The following PFKFB3 variants were observed in gnomAD, a reference collection of about 807,000 sequenced individuals.
PFKFB3 encodes the protein 6-phosphofructo-2-kinase/fructose-2,6-bisphosphatase 3.
In PFKFB3, 33 loss-of-function variants were observed where a neutral mutation model predicts 68.0. That is an observed-to-expected ratio of 0.49 (90% confidence interval 0.37 to 0.65). The LOEUF (loss-of-function observed/expected upper bound fraction) is 0.65, where lower values mean the gene tolerates loss of function less well. Among genes scored for constraint, PFKFB3 ranks in the 30% least tolerant of loss-of-function variants. The pLI is 0.00. For synonymous variants in PFKFB3, 315 were observed against 288.2 expected, an observed-to-expected ratio of 1.09 and a Z score of -0.94; for missense variants, 586 against 712.2, an observed-to-expected ratio of 0.82 and a Z score of 2.02.
At chr10:6,243,279 C>T (rs1846181824) in intron 14 of PFKFB3, among the ~76,000 whole-genome samples, 1 of 152,156 alleles carries the variant, frequency 6.6e-6, no homozygotes. Context: ...AGCAGCTGGT[C>T]CTGGGACAAC....
At chr10:6,326,215 T>C in the PFKFB3 span, among the ~76,000 whole-genome samples, 2 of 152,198 alleles carry the variant, frequency 1.3e-5, no homozygotes, top group South Asian at 2.1e-4. Flanking sequence ...TTCTCACTCA[T>C]AAGTGGGAGC....
chr10:6,304,935 G>C, the PFKFB3 span, among the ~76,000 whole-genome samples: 62 of 125,016 alleles, frequency 5.0e-4, no homozygotes, highest in Middle Eastern at 5.5e-3. Flanking sequence ...TCCTGCCTCG[G>C]CCTTGCAAAG....
intron 1 of PFKFB3, among the ~76,000 whole-genome samples, chr10:6,206,293 C>T (rs12572271): frequency 0.014 from 1,781 of 131,404 alleles, no homozygotes; most frequent in Non-Finnish European, 0.02. Flanking sequence ...AACAGGATCC[C>T]AAGGCATAAG....
Position 6,215,445 on chromosome 10 carries a change from G to A in PFKFB3, c.299+128G>A. On this transcript the variant is annotated intron_variant, in intron 3 of 14. Transcript: ENST00000379775. The surrounding 1 kb of genome is among the most constrained non-coding windows in gnomAD (Gnocchi z 4.3). ...TGGGCTGTGGGAATAAGGCTGGGCT[G>A]CGGGGCTGCGGGTGTAAGGCTGGGC... 1 of 705,754 alleles carries A rather than the reference G, an allele frequency of 1.4e-6. No individual in the cohort carries two copies. The highest frequency in any genetic ancestry group is 2.5e-6 in the Non-Finnish European group (1 of 401,780). 43.7% of individuals were successfully genotyped at this position (705,754 alleles called of 1,614,324 possible).
chr10:6,303,756 C>T, the PFKFB3 span, among the ~76,000 whole-genome samples: 2,071 of 146,894 alleles, frequency 0.014, 13 homozygotes, highest in Non-Finnish European at 0.02. Context: ...GCCGAGATTG[C>T]GCCACTGCAC....
chr10:6,168,469 C>A (rs1366430277), intron 1 of PFKFB3, among the ~76,000 whole-genome samples: 1 of 152,198 alleles, frequency 6.6e-6, no homozygotes, highest in Non-Finnish European at 1.5e-5. Context: ...CCTGATGTGT[C>A]AGCCTTATGC....
intron 1 of PFKFB3, among the ~76,000 whole-genome samples, chr10:6,191,364 C>T (rs2131822324): frequency 6.6e-6 from 1 of 152,304 alleles, no homozygotes; most frequent in African/African-American, 2.4e-5. Context: ...AAAGGAATGT[C>T]CCACCCAATC....
At chr10:6,255,766 G>A (rs780060715), downstream of PFKFB3, among the ~76,000 whole-genome samples, 3 of 152,308 alleles carry the variant, frequency 2.0e-5, no homozygotes, top group South Asian at 2.1e-4. Context: ...TCAGAGAAGC[G>A]GACTGGGTAG....
In PFKFB3 at chr10:6,223,982, C is replaced by T. The variant is rs755429809; in HGVS notation, c.1238C>T (p.Pro413Leu). The T allele has an allele frequency of 3.1e-6, 5 of 1,614,166 alleles. No homozygotes were observed. Among genetic ancestry groups the T allele is most frequent in the Non-Finnish European group, 4.2e-6 (5 of 1,180,002 alleles). Residue 413 changes from proline to leucine, a missense_variant, in exon 12 of 15, where the codon CCT (proline) becomes CTT (leucine). By Grantham distance (98) the Pro-to-Leu change is moderately conservative. Transcript: ENST00000379775. ...GAGGAGATGCCCTACCTGAAATGCC[C>T]TCTTCACACCGTCCTGAAACTGACG... is the stretch of plus-strand genomic sequence containing the variant. ...SAEEMPYLKC[P>L]LHTVLKLTPV...
chr10:6,263,456 A>G, the PFKFB3 span, among the ~76,000 whole-genome samples: 1 of 152,220 alleles, frequency 6.6e-6, no homozygotes, highest in East Asian at 1.9e-4. Context: ...GGGCCAGTTT[A>G]TGGCCAGATT....
intron 1 of PFKFB3, among the ~76,000 whole-genome samples, chr10:6,166,422 C>T (rs1403024981): frequency 2.0e-5 from 3 of 152,016 alleles, no homozygotes; most frequent in Non-Finnish European, 4.4e-5. Flanking sequence ...CCTCTTCCTC[C>T]TTCCACTCAA....
downstream of PFKFB3, among the ~76,000 whole-genome samples, chr10:6,239,104 C>T (rs550513862): frequency 2.6e-5 from 4 of 152,204 alleles, no homozygotes; most frequent in South Asian, 2.1e-4. Flanking sequence ...ATTGCTGGGT[C>T]GGATGGTATT....
At chr10:6,194,172 C>T (rs1015572969) in intron 1 of PFKFB3, among the ~76,000 whole-genome samples, 3 of 152,152 alleles carry the variant, frequency 2.0e-5, no homozygotes, top group Admixed American at 6.5e-5. Flanking sequence ...TTCCTAACTC[C>T]CAAGCCACGT....
chr10:6,232,468 GCT>G (rs1309391295), intron 14 of PFKFB3, among the ~76,000 whole-genome samples: 2 of 152,116 alleles, frequency 1.3e-5, no homozygotes, highest in African/African-American at 4.8e-5. Context: ...TGGGAGTGTG[GCT>G]CTGTTTTGAG....
At chr10:6,301,140 A>AATTTGGGG in the PFKFB3 span, among the ~76,000 whole-genome samples, 1 of 151,954 alleles carries the variant, frequency 6.6e-6, no homozygotes, top group African/African-American at 2.4e-5. Context: ...GCCTTCCTAT[A>AATTTGGGG]ATTTGGGGGG....
the PFKFB3 span, among the ~76,000 whole-genome samples, chr10:6,276,228 G>T: frequency 6.6e-6 from 1 of 152,116 alleles, no homozygotes; most frequent in Non-Finnish European, 1.5e-5. Flanking sequence ...ATAGAAATAG[G>T]ATAACAAATG....
the PFKFB3 span, among the ~76,000 whole-genome samples, chr10:6,297,866 C>A: frequency 6.6e-6 from 1 of 152,152 alleles, no homozygotes; most frequent in Non-Finnish European, 1.5e-5. Context: ...TTGTATAACA[C>A]CTTGGCTTAC....
At chr10:6,219,810 T>A in intron 7 of PFKFB3, 117 bp downstream of exon 7, 1 of 1,074,172 alleles carries the variant, frequency 9.3e-7, no homozygotes, top group Middle Eastern at 3.2e-4. Flanking sequence ...TTTAAGACAG[T>A]TTTTTTTGTA....
intron 8 of PFKFB3, 65 bp from the exon 9 acceptor site, chr10:6,221,316 C>T (rs1325043658): frequency 1.3e-6 from 2 of 1,592,152 alleles, no homozygotes; most frequent in Non-Finnish European, 8.6e-7. Flanking sequence ...CTGCCTGCTC[C>T]AGCCCTGGCT....
Sources: allele counts gnomAD v4.1 joint callset (sites outside exome capture counted in the v4.1 genomes callset), GRCh38; gene constraint gnomAD v4.1.1; non-coding constraint Gnocchi (gnomAD v3.1); transcripts MANE v1.5; gene names NCBI Gene and HGNC (gene_info 2026-07-23, HGNC 2026-07-21).